GPBP1: variants seen among roughly 807,000 people sequenced by gnomAD.
GPBP1 encodes GC-rich promoter binding protein 1.
In GPBP1, 13 loss-of-function variants were observed where a neutral mutation model predicts 56.5. That is an observed-to-expected ratio of 0.23 (90% CI 0.15 to 0.37). The LOEUF is 0.37. GPBP1 is among the 10% of genes least tolerant of loss of function. GPBP1 has a pLI of 1.00. For synonymous variants in GPBP1, 204 were observed against 188.9 expected (o/e 1.08, Z -0.66); for missense variants, 477 against 572.3 (o/e 0.83, Z 1.70).
intron 2 of GPBP1, among the ~76,000 whole-genome samples, chr5:57,187,003 AGTGTGTGTGT>A (rs66642664): frequency 1.8e-3 from 264 of 146,780 alleles, no homozygotes; most frequent in Non-Finnish European, 2.6e-3. Context: ...GACTCAGAGA[AGTGTGTGTGT>A]GTGTGTGTGT....
chr5:57,185,742 G>A (rs778224276), intron 2 of GPBP1, among the ~76,000 whole-genome samples: 14 of 152,058 alleles, frequency 9.2e-5, no homozygotes, highest in Non-Finnish European at 2.1e-4. Flanking sequence ...CCTCATGTCT[G>A]TAATGCCAGC....
intron 2 of GPBP1, among the ~76,000 whole-genome samples, chr5:57,205,532 A>C (rs1755194682): frequency 6.6e-6 from 1 of 151,338 alleles, no homozygotes; most frequent in African/African-American, 2.4e-5. Context: ...TCACACCAGC[A>C]ATATATAAGG....
intron 3 of GPBP1, among the ~76,000 whole-genome samples, chr5:57,228,234 A>G (rs929460599): frequency 1.3e-5 from 2 of 152,158 alleles, no homozygotes; most frequent in African/African-American, 4.8e-5. Context: ...AGGCGGGCAG[A>G]TCACAAGGTC....
intron 10 of GPBP1, among the ~76,000 whole-genome samples, chr5:57,256,463 T>C (rs1741668361): frequency 6.6e-6 from 1 of 152,066 alleles, no homozygotes; most frequent in South Asian, 2.1e-4. Context: ...ACTTTTCTTT[T>C]ATATTTAGGT....
rs1190136464 is a variant in GPBP1 at position 57,249,468 on chromosome 5, C to T, written c.864C>T (p.Thr288=). 1.2e-6 allele frequency: 2 copies of T among 1,611,894 alleles called. No homozygotes were observed. The highest frequency in any genetic ancestry group is 1.7e-6 in the Non-Finnish European group (2 of 1,179,162). ...VDKLNQQPRL[T]KLTRMRTDKK... ...AACTTAATCAGCAGCCTCGTCTAAC[C>T]AAACTGACACGAATGCGCACTGATA... The change falls in exon 9 of 12, where the codon ACC becomes ACT. Residue 288 remains threonine (T), a synonymous_variant. Coordinates refer to ENST00000506184, the MANE Select transcript of GPBP1 (RefSeq NM_022913.4).
chr5:57,221,411 AAGAATATTGAAC>A, intron 3 of GPBP1: 1 of 1,480,454 alleles, frequency 6.8e-7, no homozygotes, highest in Non-Finnish European at 9.2e-7. Context: ...GTATTACTGA[AAGAATATTGAAC>A]AGATATTGAA....
intron 2 of GPBP1, among the ~76,000 whole-genome samples, chr5:57,190,816 C>G (rs1455128155): frequency 6.7e-6 from 1 of 148,382 alleles, no homozygotes; most frequent in South Asian, 2.2e-4. Flanking sequence ...AAGCAATCTT[C>G]CGGCCTCAGC....
At chr5:57,262,070 C>G (rs2087161082) in intron 11 of GPBP1, among the ~76,000 whole-genome samples, 1 of 152,104 alleles carries the variant, frequency 6.6e-6, no homozygotes, top group African/African-American at 2.4e-5. Flanking sequence ...TAAATTGTTT[C>G]TAATTTGGGC....
In GPBP1 at chr5:57,176,708, A is replaced by C. The variant is rs186297692; in HGVS notation, c.-58+308A>C. On this transcript the variant is annotated intron_variant, in intron 2 of 11. Coordinates refer to ENST00000506184, the MANE Select transcript of GPBP1 (RefSeq NM_022913.4). Reference sequence around the variant, plus strand: ...TGCCTTAGGCTTTGAAGATTCATTCACAGTGGTAGAAAGGTAGGAAAAAAT... The same window carrying C: ...TGCCTTAGGCTTTGAAGATTCATTCCCAGTGGTAGAAAGGTAGGAAAAAAT... Among the ~76,000 whole-genome samples the C allele has an allele frequency of 3.3e-5, 5 of 152,324 alleles. No homozygotes were observed. The East Asian group carries it at 9.6e-4, about 29-fold the overall frequency.
intron 2 of GPBP1, among the ~76,000 whole-genome samples, chr5:57,197,072 C>T (rs577754582): frequency 1.5e-4 from 23 of 152,048 alleles, no homozygotes; most frequent in African/African-American, 2.7e-4. Flanking sequence ...TGAGCCACCA[C>T]GCCCGACCTG....
At chr5:57,200,135 G>A (rs1220951475) in intron 2 of GPBP1, among the ~76,000 whole-genome samples, 2 of 36,592 alleles carry the variant, frequency 5.5e-5, no homozygotes, top group South Asian at 8.2e-4. Flanking sequence ...TCCCCGCCCC[G>A]CCCCTCCCCT....
intron 2 of GPBP1, among the ~76,000 whole-genome samples, chr5:57,211,942 A>G (rs928888684): frequency 6.6e-6 from 1 of 151,354 alleles, no homozygotes; most frequent in Non-Finnish European, 1.5e-5. Context: ...AATTAAAAAA[A>G]AATTTTTTTT....
At chr5:57,230,222 G>A (rs1481849063) in intron 3 of GPBP1, among the ~76,000 whole-genome samples, 5 of 152,094 alleles carry the variant, frequency 3.3e-5, no homozygotes, top group African/African-American at 1.2e-4. Flanking sequence ...GTAAGCCACC[G>A]CGCCCGGCCT....
At position 57,196,008 on chromosome 5, in the gene GPBP1, T is replaced by TAAAAAAAAAAA. The variant is rs1561330293; in HGVS notation, c.-57-18066_-57-18065insAAAAAAAAAAA. On this transcript the variant is annotated intron_variant, in intron 2 of 11. Coordinates refer to ENST00000506184, the MANE Select transcript of GPBP1 (RefSeq NM_022913.4). ...AAAAAAAAAAAAAAAAAAAAAAAATTTTTTTTTTTTGTTTGCAAGGGTTGA... is the reference window on the plus strand; with the variant it reads ...AAAAAAAAAAAAAAAAAAAAAAAATTAAAAAAAAAAATTTTTTTTTTGTTTGCAAGGGTTGA... Among the ~76,000 whole-genome samples the TAAAAAAAAAAA allele has an allele frequency of 5.6e-4, 30 of 53,964 alleles. 1 individual carries two copies. The highest frequency in any genetic ancestry group is 1.7e-3 in the African/African-American group (30 of 17,722). 35.4% of individuals were successfully genotyped at this position (53,964 alleles called of 152,430 possible). A position where few individuals can be genotyped will look rare whatever the true frequency, so the allele number is the denominator to read the frequency against.
intron 2 of GPBP1, among the ~76,000 whole-genome samples, chr5:57,203,940 T>A (rs139110425): frequency 2.4e-4 from 37 of 152,290 alleles, no homozygotes; most frequent in African/African-American, 8.2e-4. Context: ...TTAGAGGCCA[T>A]GTTCCTTAGA....
chr5:57,230,765 A>G, intron 3 of GPBP1, 81 bp from the exon 4 acceptor site: 1 of 1,243,464 alleles, frequency 8.0e-7, no homozygotes, highest in Non-Finnish European at 1.1e-6. Context: ...ATTTTTGGAA[A>G]TAAGTGAAGT....
chr5:57,182,322 G>C (rs909620694), intron 2 of GPBP1, among the ~76,000 whole-genome samples: 4 of 150,000 alleles, frequency 2.7e-5, no homozygotes, highest in African/African-American at 9.9e-5. Flanking sequence ...GACCTGAAGT[G>C]ATCTGCCCAC....
chr5:57,214,173 A>G lies in GPBP1; in HGVS notation c.43A>G (p.Thr15Ala). 1 of 1,613,100 alleles carries G rather than the reference A, an allele frequency of 6.2e-7. No individual in the cohort carries two copies. The highest frequency in any genetic ancestry group is 8.5e-7 in the Non-Finnish European group (1 of 1,179,366). The change falls in exon 3 of 12, where the codon ACT (threonine) becomes GCT (alanine). Residue 15 changes from threonine (T) to alanine (A), a missense_variant. Thr to Ala is a moderately conservative substitution (Grantham distance 58). Transcript: ENST00000506184. ...TGCTCCAGCCTGGCTTAATTTCCCT[A>G]CTCCACCATCATCAACAAAGGTACT... is the stretch of plus-strand genomic sequence containing the variant. ...DFAPAWLNFP[T>A]PPSSTKSSLN...
At chr5:57,196,222 G>A (rs1019861305) in intron 2 of GPBP1, among the ~76,000 whole-genome samples, 9 of 151,858 alleles carry the variant, frequency 5.9e-5, no homozygotes, top group South Asian at 2.1e-4. Context: ...GGCTGGTCTC[G>A]AAGTCCTGGC....
Sources: gnomAD v4.1 joint callset for allele counts (sites outside exome capture counted in the v4.1 genomes callset) on GRCh38, gnomAD v4.1.1 for gene constraint, MANE v1.5 for transcripts, NCBI Gene and HGNC (gene_info 2026-07-23, HGNC 2026-07-21) for gene names.